Variants in AP5Z1 observed in about 807,000 individuals in gnomAD.
AP5Z1 encodes the protein AP-5 complex subunit zeta-1.
AP5Z1 carries 106 observed loss-of-function variants against 83.0 expected under a neutral mutation model. The observed-to-expected ratio is 1.28, with a 90% CI of 1.09 to 1.50. The LOEUF is 1.50. AP5Z1 is among the 40% of genes most tolerant of loss of function. The pLI, the probability that AP5Z1 is intolerant of heterozygous loss-of-function variation, is 0.00. For missense variants in AP5Z1, 1,565 were observed against 1,094.2 expected, an observed-to-expected ratio of 1.43 and a Z score of -6.07; for synonymous variants, 751 against 514.1, an observed-to-expected ratio of 1.46 and a Z score of -6.23.
In AP5Z1 at chr7:4,785,451, C is replaced by G. The variant is rs753808010; in HGVS notation, c.968C>G (p.Ala323Gly). 8 of 1,613,448 alleles carry G rather than the reference C, an allele frequency of 5.0e-6. No individual in the cohort carries two copies. The highest frequency in any genetic ancestry group is 2.2e-5 in the East Asian group (1 of 44,864). ...AAGGGGGACTCCGACCTGCAGAAAG[C>G]TGTAAGTGGCTGGGGACCAGGGGAT... ...LRKGDSDLQKACLVEAVLVLD... is the reference protein window; with the variant it reads ...LRKGDSDLQKGCLVEAVLVLD... The change falls in exon 8 of 17, where the codon GCT becomes GGT. Residue 323 changes from alanine (A) to glycine (G), a missense_variant and splice_region_variant. Transcript: ENST00000649063.
chr7:4,784,858 C>T, intron 6 of AP5Z1, 50 bp from the exon 7 acceptor site: 1 of 1,579,286 alleles, frequency 6.3e-7, no homozygotes. Context: ...CAGGCATGTC[C>T]CAGCCCGGGA....
Position 4,791,284 on chromosome 7 carries a change from T to A in AP5Z1, c.2323T>A (p.Cys775Ser). The A allele has an allele frequency of 6.2e-7, 1 of 1,612,570 alleles. No individual in the cohort carries two copies. The highest frequency in any genetic ancestry group is 8.5e-7 in the Non-Finnish European group (1 of 1,179,826). ...TGTGCTCACACCCAGCACGGAGGTG[T>A]GCAGCCCCCGCTATCACCGCGATGC... ...QFVLTPSTEV[C>S]SPRYHRDANT... Residue 775 changes from cysteine to serine, a missense_variant, in exon 17 of 17, where the codon TGC becomes AGC. Cys to Ser is a moderately radical substitution (Grantham distance 112, BLOSUM62 -1). Coordinates refer to ENST00000649063, the MANE Select transcript of AP5Z1 (RefSeq NM_014855.3).
chr7:4,789,553 A>G lies in AP5Z1; in HGVS notation c.1708-279A>G, dbSNP rs151034650. Among the ~76,000 whole-genome samples, 332 of 152,334 alleles carry G rather than the reference A, an allele frequency of 2.2e-3. 3 individuals are homozygous for G. The highest frequency in any genetic ancestry group is 7.7e-3 in the African/African-American group (319 of 41,584). ...CGTTGCTTGGGCGCACCCTTGGCCA[A>G]ACAAGACGTGTGCCTGGCCTTGCAG... On this transcript the variant is annotated intron_variant, in intron 13 of 16. Transcript: ENST00000649063.
rs897163161 is a variant in AP5Z1, at chr7:4,792,611, G to A, written c.*1226G>A. 1 of 152,170 alleles carries A rather than the reference G, an allele frequency of 6.6e-6. No individual in the cohort carries two copies. The highest frequency in any genetic ancestry group is 2.4e-5 in the African/African-American group (1 of 41,442). The allele number at this position is 152,170 out of a possible 1,614,324, so 9.4% of individuals were successfully genotyped here. A position where few individuals can be genotyped will look rare whatever the true frequency, so the allele number is the denominator to read the frequency against. ...AAGCGCTCGCCTGCCCCACAGCCTG[G>A]GCCTTGGGTCGCGTTCCGAGCTCCA... On this transcript the variant is annotated 3_prime_UTR_variant, in exon 17 of 17. Coordinates refer to ENST00000649063, the MANE Select transcript of AP5Z1 (RefSeq NM_014855.3).
At chr7:4,787,524 C>T in intron 10 of AP5Z1, 110 bp from the exon 11 acceptor site, 1 of 1,444,660 alleles carries the variant, frequency 6.9e-7, no homozygotes, top group Non-Finnish European at 9.2e-7. Flanking sequence ...GGTAGAAGCC[C>T]TCCTGGGGAC....
chr7:4,790,136 T>G, intron 14 of AP5Z1: 1 of 1,457,620 alleles, frequency 6.9e-7, no homozygotes, highest in East Asian at 2.5e-5. Context: ...CGTCCTTCTT[T>G]CTGCCGAGCC....
intron 6 of AP5Z1, 55 bp downstream of exon 6, chr7:4,784,426 G>A: frequency 6.5e-7 from 1 of 1,533,140 alleles, no homozygotes; most frequent in Non-Finnish European, 8.7e-7. Context: ...GCGCACTATG[G>A]GTTGGTCGCA....
chr7:4,784,151 GT>G, intron 5 of AP5Z1, 51 bp from the exon 6 acceptor site: 1 of 1,527,306 alleles, frequency 6.5e-7, no homozygotes. Context: ...AAAGGCTGGC[GT>G]TTTTCCCGGC....
At chr7:4,784,393 C>T (rs750666005) in intron 6 of AP5Z1, 22 bp downstream of exon 6, 37 of 1,427,948 alleles carry the variant, frequency 2.6e-5, no homozygotes, top group Middle Eastern at 2.0e-4. Flanking sequence ...GGGGGGATGA[C>T]GTCAGACAGG....
In AP5Z1 at chr7:4,785,432, G is replaced by A. The variant is rs775289012; in HGVS notation, c.949G>A (p.Asp317Asn). 2 of 1,613,322 alleles carry A rather than the reference G, an allele frequency of 1.2e-6. No homozygotes were observed. The highest frequency in any genetic ancestry group is 3.3e-5 in the Admixed American group (2 of 59,990). ...QSNRRALRKG[D>N]SDLQKACLVE... ...CCTTCCAGGAGCCCTGAGGAAGGGG[G>A]ACTCCGACCTGCAGAAAGCTGTAAG... The change falls in exon 8 of 17, where the codon GAC (aspartate) becomes AAC (asparagine). Residue 317 changes from aspartate (D) to asparagine (N), a missense_variant. Asp to Asn is a conservative substitution (Grantham distance 23, BLOSUM62 1). Coordinates refer to ENST00000649063, the MANE Select transcript of AP5Z1 (RefSeq NM_014855.3).
chr7:4,788,498 T>G, intron 12 of AP5Z1: 1 of 638,882 alleles, frequency 1.6e-6, no homozygotes, highest in Non-Finnish European at 2.5e-6. Context: ...CAGCTCTCTC[T>G]GCTGCCCACA....
At chr7:4,788,428 A>G (rs1026476303) in intron 12 of AP5Z1, 134 bp downstream of exon 12, 2 of 1,169,502 alleles carry the variant, frequency 1.7e-6, no homozygotes, top group East Asian at 2.6e-5. Context: ...CGTCCCCGTC[A>G]TCACCATTAT....
chr7:4,784,106 G>T, intron 5 of AP5Z1, 97 bp from the exon 6 acceptor site: 1 of 1,404,422 alleles, frequency 7.1e-7, no homozygotes, highest in South Asian at 1.4e-5. Flanking sequence ...TCATGTTCAG[G>T]CAGCTTCTCC....
At position 4,791,474 on chromosome 7, in the gene AP5Z1, C is replaced by T. The variant is rs577301873; in HGVS notation, c.*89C>T. On this transcript the variant is annotated 3_prime_UTR_variant, in exon 17 of 17. Transcript: ENST00000649063. ...CCAGGCTGATAGGAGCTCAGGAGGG[C>T]GCGGGAGTCCTGGGAGAGGAGGCAA... The T allele has an allele frequency of 3.1e-5, 46 of 1,472,914 alleles. No homozygotes were observed. In the Admixed American group the frequency reaches 3.4e-4, roughly 11 times the overall value. 91.2% of individuals were successfully genotyped at this position (1,472,914 alleles called of 1,614,324 possible). A position where few individuals can be genotyped will look rare whatever the true frequency, so the allele number is the denominator to read the frequency against.
In AP5Z1 at chr7:4,783,327, C is replaced by T. The variant is rs775332430; in HGVS notation, c.378C>T (p.Asn126=). Residue 126 remains asparagine, a synonymous_variant, in exon 4 of 17, where the codon AAC becomes AAT. Coordinates refer to ENST00000649063, the MANE Select transcript of AP5Z1 (RefSeq NM_014855.3). The part of the protein sequence containing the change: ...ASVLLAQGDR[N]EEVRAVGQGV... The stretch of plus-strand genomic sequence containing the variant: ...TGTTTGATTTGAAGGGTGACAGAAA[C>T]GAGGAGGTCAGAGCCGTGGGCCAGG... 12 of 1,609,002 alleles carry T rather than the reference C, an allele frequency of 7.5e-6. No individual in the cohort carries two copies. The East Asian group carries it at 9.0e-5, about 12-fold the overall frequency.
At chr7:4,788,982 C>A in intron 13 of AP5Z1, 31 bp downstream of exon 13, 1 of 1,583,196 alleles carries the variant, frequency 6.3e-7, no homozygotes. Flanking sequence ...CCCCCATTCC[C>A]ACAGGCCTCA....
At chr7:4,781,406 G>A in intron 2 of AP5Z1, 94 bp downstream of exon 2, 6 of 1,584,066 alleles carry the variant, frequency 3.8e-6, no homozygotes, top group Non-Finnish European at 5.2e-6. Flanking sequence ...GCTCCTTGGG[G>A]GTTGAGTCAT....
chr7:4,788,917 C>T lies in AP5Z1; in HGVS notation c.1673C>T (p.Thr558Met), dbSNP rs573471657. The T allele has an allele frequency of 2.4e-5, 39 of 1,611,400 alleles. No homozygotes were observed. The highest frequency in any genetic ancestry group is 9.3e-5 in the African/African-American group (7 of 75,020). Reference sequence around the variant, plus strand: ...GCCCAGTGTGCCCAGGCCGTGCCCACGCTGCTGCAGGCATTCTTCTCAGCA... The same window carrying T: ...GCCCAGTGTGCCCAGGCCGTGCCCATGCTGCTGCAGGCATTCTTCTCAGCA... ...RVAQCAQAVP[T>M]LLQAFFSAVT... Residue 558 changes from threonine to methionine, a missense_variant, in exon 13 of 17, where the codon ACG becomes ATG. Physicochemically the swap from Thr to Met is moderately conservative, Grantham distance 81. Coordinates refer to ENST00000649063, the MANE Select transcript of AP5Z1 (RefSeq NM_014855.3).
In AP5Z1 at chr7:4,790,860, C is replaced by T; in HGVS notation, c.2126C>T (p.Ala709Val). Residue 709 changes from alanine (A) to valine (V), a missense_variant, in exon 16 of 17, where the codon GCC becomes GTC. By Grantham distance (64) the Ala-to-Val change is moderately conservative (BLOSUM62 0). Coordinates refer to ENST00000649063, the MANE Select transcript of AP5Z1 (RefSeq NM_014855.3). ...CTGATGACCACGCTGACGAAGCTGG[C>T]CTCCCGGAGCCAAGATCTGATCCCC... ...TVLMTTLTKL[A>V]SRSQDLIPRA... 5.6e-6 allele frequency: 9 copies of T among 1,606,356 alleles called. No homozygotes were observed. Among genetic ancestry groups the T allele is most frequent in the Non-Finnish European group, 7.6e-6 (9 of 1,177,478 alleles).
Sources: allele counts gnomAD v4.1 joint callset (sites outside exome capture counted in the v4.1 genomes callset), GRCh38; gene constraint gnomAD v4.1.1; transcripts MANE v1.5; gene names NCBI Gene and HGNC (gene_info 2026-07-23, HGNC 2026-07-21).